Variants in SPATA17 observed in about 807,000 individuals in gnomAD.
The protein encoded by SPATA17 is spermatogenesis-associated protein 17.
In SPATA17, 53 loss-of-function variants were observed where a neutral mutation model predicts 62.2. The ratio of observed to expected loss-of-function variants is 0.85; its 90% CI spans 0.68 to 1.07. The LOEUF is 1.07. Ranked by LOEUF, SPATA17 falls within the 50% of genes least tolerant of loss-of-function variation. The pLI is 0.00. For synonymous variants in SPATA17, 146 were observed against 146.8 expected, an observed-to-expected ratio of 0.99 and a Z score of 0.04; for missense variants, 466 against 425.5, an observed-to-expected ratio of 1.10 and a Z score of -0.84.
At chr1:217,795,794 C>CTATT (rs534976254) in intron 8 of SPATA17, among the ~76,000 whole-genome samples, 18 of 151,780 alleles carry the variant, frequency 1.2e-4, no homozygotes, top group East Asian at 3.9e-4. Context: ...TTGACACCTT[C>CTATT]TATTTATTTA....
chr1:217,832,282 G>A (rs1188811416), intron 9 of SPATA17, among the ~76,000 whole-genome samples: 1 of 152,008 alleles, frequency 6.6e-6, no homozygotes, highest in East Asian at 1.9e-4. Context: ...AAAATTCAAA[G>A]TACATTAAAA....
At chr1:217,865,007 A>G (rs1473625114) in intron 10 of SPATA17, among the ~76,000 whole-genome samples, 1 of 152,108 alleles carries the variant, frequency 6.6e-6, no homozygotes, top group Non-Finnish European at 1.5e-5. Context: ...TTGTGAATTG[A>G]CAATATTATA....
intron 6 of SPATA17, among the ~76,000 whole-genome samples, chr1:217,769,706 A>G (rs1424359643): frequency 6.6e-6 from 1 of 152,212 alleles, no homozygotes; most frequent in Non-Finnish European, 1.5e-5. Context: ...GTTTTTTAAA[A>G]TATTTCTTTA....
chr1:217,771,814 T>C (rs956812119), intron 6 of SPATA17, among the ~76,000 whole-genome samples: 14 of 150,780 alleles, frequency 9.3e-5, no homozygotes, highest in Non-Finnish European at 1.8e-4. Context: ...GCATTTCCCA[T>C]CTAGCCTATG....
intron 6 of SPATA17, among the ~76,000 whole-genome samples, chr1:217,769,305 C>A (rs998191157): frequency 6.6e-6 from 1 of 152,186 alleles, no homozygotes; most frequent in Non-Finnish European, 1.5e-5. Context: ...TTAGGGGAAC[C>A]TTCTAAAGGT....
At chr1:217,656,444 T>C (rs1670443177) in intron 3 of SPATA17, among the ~76,000 whole-genome samples, 2 of 152,206 alleles carry the variant, frequency 1.3e-5, no homozygotes, top group South Asian at 2.1e-4. Flanking sequence ...TTTTTGCTTA[T>C]TTTGAAAACA....
intron 5 of SPATA17, among the ~76,000 whole-genome samples, chr1:217,698,260 C>T (rs1671507363): frequency 6.6e-6 from 1 of 151,978 alleles, no homozygotes; most frequent in Non-Finnish European, 1.5e-5. Context: ...ATAGTAAAAC[C>T]CTGTCTCTAC....
intron 5 of SPATA17, among the ~76,000 whole-genome samples, chr1:217,721,924 GC>G (rs1401556280): frequency 6.6e-6 from 1 of 152,094 alleles, no homozygotes; most frequent in Non-Finnish European, 1.5e-5. Flanking sequence ...CTAAGACGTG[GC>G]CTGGAGTTGA....
chr1:217,870,083 AT>A lies in SPATA17; in HGVS notation c.*3065del, dbSNP rs1022274806. On this transcript the variant is annotated 3_prime_UTR_variant, in exon 11 of 11. Coordinates refer to ENST00000366933, the MANE Select transcript of SPATA17 (RefSeq NM_138796.4). ...TGGTTGTTTCTAAACTTATAACAAA[AT>A]AAATAATTGGCCATCTTCATTGGAT... The A allele has an allele frequency of 3.3e-5, 5 of 152,154 alleles. No individual in the cohort carries two copies. The highest frequency in any genetic ancestry group is 1.2e-4 in the African/African-American group (5 of 41,428). 9.4% of individuals were successfully genotyped at this position (152,154 alleles called of 1,614,324 possible). A position where few individuals can be genotyped will look rare whatever the true frequency, so the allele number is the denominator to read the frequency against.
At chr1:217,634,121 T>C (rs1669884240) in intron 1 of SPATA17, among the ~76,000 whole-genome samples, 1 of 152,254 alleles carries the variant, frequency 6.6e-6, no homozygotes, top group Non-Finnish European at 1.5e-5. Flanking sequence ...AATTTTGTCC[T>C]GGACATAAGG....
At chr1:217,851,847 A>G (rs189507492) in intron 9 of SPATA17, among the ~76,000 whole-genome samples, 112 of 152,328 alleles carry the variant, frequency 7.4e-4, no homozygotes, top group Non-Finnish European at 1.4e-3. Context: ...TTCGAAGGCT[A>G]TCATTTGCAC....
At chr1:217,669,659 T>C (rs371296888) in intron 4 of SPATA17, among the ~76,000 whole-genome samples, 1 of 152,210 alleles carries the variant, frequency 6.6e-6, no homozygotes, top group South Asian at 2.1e-4. Context: ...GACAATATGA[T>C]AATAATTTAA....
intron 5 of SPATA17, among the ~76,000 whole-genome samples, chr1:217,721,088 T>C (rs1158134268): frequency 6.6e-6 from 1 of 152,252 alleles, no homozygotes; most frequent in Non-Finnish European, 1.5e-5. Flanking sequence ...TACCATGAAC[T>C]ATAACAACTT....
chr1:217,802,622 C>T (rs1674340651), intron 9 of SPATA17, among the ~76,000 whole-genome samples: 1 of 152,130 alleles, frequency 6.6e-6, no homozygotes, highest in Non-Finnish European at 1.5e-5. Context: ...TGTAAGGGCA[C>T]TAATCCCAAG....
Position 217,864,643 on chromosome 1 carries a change from TTATG to T in SPATA17, c.*2+1788_*2+1791del, listed in dbSNP as rs1381032053. 8.4e-4 allele frequency among the ~76,000 whole-genome samples: 128 copies of T among 152,206 alleles called. No individual in the cohort carries two copies. The East Asian group carries it at 0.015, about 17-fold the overall frequency. On this transcript the variant is annotated intron_variant, in intron 10 of 10. Coordinates refer to ENST00000366933, the MANE Select transcript of SPATA17 (RefSeq NM_138796.4). ...TGGTGGTTATCTCTGGGTGGTGAGA[TTATG>T]AGTACTTTCTGTGGGATACTTCTTT...
intron 5 of SPATA17, among the ~76,000 whole-genome samples, chr1:217,684,526 T>C (rs922156523): frequency 6.6e-6 from 1 of 152,128 alleles, no homozygotes. Context: ...GTGATTCTTG[T>C]GCCTCAGCCT....
intron 10 of SPATA17, among the ~76,000 whole-genome samples, chr1:217,864,752 G>T (rs535783725): frequency 8.4e-4 from 128 of 151,846 alleles, no homozygotes; most frequent in Non-Finnish European, 1.1e-3. Context: ...GGGACTGTTT[G>T]CTCTACTCTA....
intron 6 of SPATA17, among the ~76,000 whole-genome samples, chr1:217,753,443 A>T (rs920416751): frequency 6.6e-6 from 1 of 152,094 alleles, no homozygotes; most frequent in Non-Finnish European, 1.5e-5. Flanking sequence ...TGAAGCACCG[A>T]ATTTTCTTTA....
At chr1:217,794,403 C>T (rs964868797) in intron 8 of SPATA17, among the ~76,000 whole-genome samples, 4 of 152,214 alleles carry the variant, frequency 2.6e-5, no homozygotes, top group Non-Finnish European at 5.9e-5. Flanking sequence ...AAAGCTTGCA[C>T]AGTAATTTAA....
Sources: gnomAD v4.1 joint callset for allele counts (sites outside exome capture counted in the v4.1 genomes callset) on GRCh38, gnomAD v4.1.1 for gene constraint, MANE v1.5 for transcripts, NCBI Gene and HGNC (gene_info 2026-07-23, HGNC 2026-07-21) for gene names.